IRAK3: variants seen among roughly 807,000 people sequenced by gnomAD.
IRAK3 encodes interleukin-1 receptor-associated kinase 3.
Under a neutral mutation model 56.6 loss-of-function variants are expected in IRAK3, and 57 were observed. The ratio of observed to expected loss-of-function variants is 1.01; its 90% confidence interval spans 0.81 to 1.26. The LOEUF (loss-of-function observed/expected upper bound fraction) is 1.26, where lower values mean the gene tolerates loss of function less well. Ranked by LOEUF, IRAK3 falls within the 50% of genes most tolerant of loss-of-function variation. IRAK3 has a pLI of 0.00. For synonymous variants in IRAK3, 258 were observed against 255.7 expected (o/e 1.01, Z -0.09); for missense variants, 703 against 719.0 (o/e 0.98, Z 0.25).
rs1027604044 is a variant in IRAK3 at position 66,253,026 on chromosome 12, A to C, written c.*4855A>C. ...CTTCCACAAAACTGCAGGTTCCCTG[A>C]GGGAAAGGTCTATGTCCTGCTCATT... On this transcript the variant is annotated 3_prime_UTR_variant, in exon 12 of 12. Coordinates refer to ENST00000261233, the MANE Select transcript of IRAK3 (RefSeq NM_007199.3). The C allele has an allele frequency of 6.6e-6, 1 of 152,186 alleles. No homozygotes were observed. Among genetic ancestry groups the C allele is most frequent in the African/African-American group, 2.4e-5 (1 of 41,440 alleles). The allele number at this position is 152,186 out of a possible 1,614,324, so 9.4% of individuals were successfully genotyped here.
intron 11 of IRAK3, among the ~76,000 whole-genome samples, 168 bp from the exon 12 acceptor site, chr12:66,247,527 C>G (rs967329525): frequency 6.6e-6 from 1 of 152,150 alleles, no homozygotes; most frequent in Non-Finnish European, 1.5e-5. Flanking sequence ...ATTTACTCCT[C>G]AAAATAAAGG....
intron 8 of IRAK3, chr12:66,235,108 C>T (rs2052890124): frequency 2.5e-6 from 4 of 1,612,776 alleles, no homozygotes; most frequent in Non-Finnish European, 3.4e-6. Context: ...TATAGAGGTT[C>T]GTTTTGCTGA....
intron 3 of IRAK3, 92 bp downstream of exon 3, chr12:66,209,612 G>T: frequency 1.2e-6 from 1 of 836,038 alleles, no homozygotes; most frequent in South Asian, 1.3e-5. Flanking sequence ...AAAAATGCTG[G>T]ATTTGCCGGC....
intron 1 of IRAK3, among the ~76,000 whole-genome samples, chr12:66,191,883 T>G (rs2052403000): frequency 6.6e-6 from 1 of 152,192 alleles, no homozygotes; most frequent in Non-Finnish European, 1.5e-5. Flanking sequence ...TAAAGCTCTC[T>G]CGAGCCGATC....
Position 66,248,054 on chromosome 12 carries a change from G to C in IRAK3, c.1674G>C (p.Lys558Asn). Residue 558 changes from lysine to asparagine, a missense_variant, in exon 12 of 12, where the codon AAG (lysine) becomes AAC (asparagine). Transcript: ENST00000261233. Reference protein sequence around the residue: ...IVPSQDLRPYKVNIDPSSEAP... With the variant: ...IVPSQDLRPYNVNIDPSSEAP... Reference sequence around the variant, plus strand: ...CATCCCAGGACTTAAGGCCCTATAAGGTAAATATAGATCCTTCTTCAGAAG... The same window carrying C: ...CATCCCAGGACTTAAGGCCCTATAACGTAAATATAGATCCTTCTTCAGAAG... 1.3e-6 allele frequency: 2 copies of C among 1,587,356 alleles called. No homozygotes were observed. Among genetic ancestry groups the C allele is most frequent in the Non-Finnish European group, 1.7e-6 (2 of 1,169,782 alleles).
chr12:66,254,000 A>G lies in IRAK3; in HGVS notation c.*5829A>G, dbSNP rs2053128196. The G allele has an allele frequency of 6.6e-6, 1 of 152,184 alleles. No homozygotes were observed. The highest frequency in any genetic ancestry group is 2.1e-4 in the South Asian group (1 of 4,836). The allele number at this position is 152,184 out of a possible 1,614,324, so 9.4% of individuals were successfully genotyped here. A position where few individuals can be genotyped will look rare whatever the true frequency, so the allele number is the denominator to read the frequency against. On this transcript the variant is annotated 3_prime_UTR_variant, in exon 12 of 12. Coordinates refer to ENST00000261233, the MANE Select transcript of IRAK3 (RefSeq NM_007199.3). The stretch of plus-strand genomic sequence containing the variant: ...TGAAAACAGCTAATAAAGATGTGTT[A>G]TTTTATTTTATTATTATTAATTTTG...
At chr12:66,235,492 C>T (rs1152907) in intron 8 of IRAK3, among the ~76,000 whole-genome samples, 69,601 of 151,396 alleles carry the variant, frequency 0.46, 19,224 homozygotes, top group Non-Finnish European at 0.6. Flanking sequence ...AAGTGCGGCG[C>T]GGCGCGGGGC....
At position 66,244,570 on chromosome 12, in the gene IRAK3, G is replaced by C. The variant is rs2053007266; in HGVS notation, c.972G>C (p.Gln324His). Reference sequence around the variant, plus strand: ...ACTTCCGGTCCCACCTAGAACATCAGAGTTGTACCATAAATATGACCAGCA... The same window carrying C: ...ACTTCCGGTCCCACCTAGAACATCACAGTTGTACCATAAATATGACCAGCA... ...MAHFRSHLEH[Q>H]SCTINMTSSS... is the part of the protein sequence containing the mutation. The change falls in exon 9 of 12, where the codon CAG becomes CAC. Residue 324 changes from glutamine (Q) to histidine (H), a missense_variant. Transcript: ENST00000261233. 7 of 1,613,992 alleles carry C rather than the reference G, an allele frequency of 4.3e-6. No individual in the cohort carries two copies. In the East Asian group the frequency reaches 1.6e-4, roughly 36 times the overall value.
chr12:66,203,641 G>T, intron 1 of IRAK3, 70 bp from the exon 2 acceptor site: 1 of 1,331,472 alleles, frequency 7.5e-7, no homozygotes, highest in Non-Finnish European at 1.1e-6. Context: ...TAAAACATTA[G>T]GTACACAAAA....
Position 66,248,126 on chromosome 12 carries a change from C to T in IRAK3, c.1746C>T (p.Ser582=). 1 of 1,612,150 alleles carries T rather than the reference C, an allele frequency of 6.2e-7. No individual in the cohort carries two copies. The part of the protein sequence containing the change: ...CRSRPVESSC[S]SKFSWDEYEQ... ...GCAGGCCAGTGGAGAGCAGCTGTTC[C>T]TCCAAATTTTCCTGGGATGAATATG... Residue 582 remains serine, a synonymous_variant, in exon 12 of 12, where the codon TCC becomes TCT. Transcript: ENST00000261233.
At chr12:66,231,904 G>T (rs1339024771) in intron 8 of IRAK3, among the ~76,000 whole-genome samples, 1 of 152,176 alleles carries the variant, frequency 6.6e-6, no homozygotes, top group Non-Finnish European at 1.5e-5. Context: ...TCTGCAGCTT[G>T]TCTAGGATAT....
intron 8 of IRAK3, among the ~76,000 whole-genome samples, chr12:66,232,658 T>C (rs1373937200): frequency 6.6e-6 from 1 of 152,218 alleles, no homozygotes; most frequent in East Asian, 1.9e-4. Context: ...TAGGCCTCCC[T>C]GAGTGTTGGT....
chr12:66,243,648 C>G (rs2052995779), intron 8 of IRAK3, among the ~76,000 whole-genome samples: 2 of 152,184 alleles, frequency 1.3e-5, no homozygotes, highest in Admixed American at 1.3e-4. Flanking sequence ...CGTTTTCCCC[C>G]TGCCAGAGTT....
chr12:66,235,844 G>GCTTATTT (rs1190227553), intron 8 of IRAK3, among the ~76,000 whole-genome samples: 1 of 151,920 alleles, frequency 6.6e-6, no homozygotes, highest in Non-Finnish European at 1.5e-5. Flanking sequence ...TTTTTCAATG[G>GCTTATTT]CTTATTTTTT....
chr12:66,217,311 C>A, intron 6 of IRAK3, 76 bp downstream of exon 6: 1 of 1,069,562 alleles, frequency 9.3e-7, no homozygotes, highest in Non-Finnish European at 1.5e-6. Flanking sequence ...TTTTACAGCA[C>A]AGAGCTTGGC....
intron 1 of IRAK3, among the ~76,000 whole-genome samples, chr12:66,190,957 A>G (rs750377033): frequency 3.3e-5 from 5 of 152,244 alleles, no homozygotes; most frequent in African/African-American, 1.2e-4. Flanking sequence ...CAATTCAGTG[A>G]TCCATTTCAA....
chr12:66,197,297 T>G (rs1048602001), intron 1 of IRAK3: 1 of 1,093,150 alleles, frequency 9.1e-7, no homozygotes, highest in African/African-American at 1.6e-5. Context: ...TTATTTGATA[T>G]GTACTGCGAG....
At chr12:66,234,506 G>A (rs931293116) in intron 8 of IRAK3, 74 of 1,611,784 alleles carry the variant, frequency 4.6e-5, no homozygotes, top group Non-Finnish European at 4.1e-5. Flanking sequence ...TATAGCAGCT[G>A]TAGTTGGGTC....
intron 8 of IRAK3, among the ~76,000 whole-genome samples, chr12:66,230,757 A>C (rs963555130): frequency 6.6e-6 from 1 of 152,096 alleles, no homozygotes; most frequent in Non-Finnish European, 1.5e-5. Context: ...CACAGCTATG[A>C]AGGAAGATTT....
Sources: allele counts gnomAD v4.1 joint callset (sites outside exome capture counted in the v4.1 genomes callset), GRCh38; gene constraint gnomAD v4.1.1; transcripts MANE v1.5; gene names NCBI Gene and HGNC (gene_info 2026-07-23, HGNC 2026-07-21).